The following DPP10 variants were observed in gnomAD, a reference collection of about 807,000 sequenced individuals.
DPP10 encodes the protein inactive dipeptidyl peptidase 10.
In DPP10, 33 loss-of-function variants were observed where a neutral mutation model predicts 120.9. The ratio of observed to expected loss-of-function variants is 0.27; its 90% CI spans 0.21 to 0.37. The LOEUF is 0.37. Ranked by LOEUF, DPP10 falls within the 10% of genes least tolerant of loss-of-function variation. The pLI is 1.00. For missense variants in DPP10, 816 were observed against 942.8 expected (o/e 0.87, Z 1.76); for synonymous variants, 337 against 326.1 (o/e 1.03, Z -0.36).
Position 115,782,416 on chromosome 2 carries a change from A to T in DPP10, c.1531+17A>T, listed in dbSNP as rs1481586318. 1 of 1,606,298 alleles carries T rather than the reference A, an allele frequency of 6.2e-7. No homozygotes were observed. The highest frequency in any genetic ancestry group is 2.2e-5 in the East Asian group (1 of 44,818). ...ACCCAGCAAGTGAGTACACAAGAAG[A>T]CAATTAAGAATAGTTATGGTTGGCA... On this transcript the variant is annotated intron_variant, in intron 17 of 25. Transcript: ENST00000410059.
At chr2:114,549,400 C>T (rs932710318) in intron 1 of DPP10, among the ~76,000 whole-genome samples, 1 of 152,028 alleles carries the variant, frequency 6.6e-6, no homozygotes, top group Non-Finnish European at 1.5e-5. Context: ...CGGCAGCTCA[C>T]GCCTATAGTC....
intron 3 of DPP10, among the ~76,000 whole-genome samples, chr2:115,495,851 G>A (rs2076369515): frequency 6.6e-6 from 1 of 152,086 alleles, no homozygotes; most frequent in Non-Finnish European, 1.5e-5. Flanking sequence ...CTGTCAAAGA[G>A]TTAAAAAGGA....
At chr2:114,464,339 T>C (rs1001855351) in intron 1 of DPP10, among the ~76,000 whole-genome samples, 1 of 152,236 alleles carries the variant, frequency 6.6e-6, no homozygotes, top group Non-Finnish European at 1.5e-5. Flanking sequence ...AGTTCTCTAA[T>C]GACAAATAAT....
chr2:114,480,616 CAAACACCA>C (rs1558797988), intron 1 of DPP10, among the ~76,000 whole-genome samples: 1 of 147,532 alleles, frequency 6.8e-6, no homozygotes, highest in African/African-American at 2.5e-5. Flanking sequence ...GACAAAAAAC[CAAACACCA>C]CATGTTCTCA....
At chr2:115,480,150 G>A (rs1462953136) in intron 3 of DPP10, among the ~76,000 whole-genome samples, 3 of 152,024 alleles carry the variant, frequency 2.0e-5, no homozygotes, top group African/African-American at 7.2e-5. Context: ...TTTAAAGTCT[G>A]TCTCCCATTG....
intron 5 of DPP10, among the ~76,000 whole-genome samples, chr2:115,685,891 T>C (rs549362464): frequency 1.4e-4 from 22 of 152,184 alleles, no homozygotes; most frequent in African/African-American, 5.3e-4. Context: ...GTTTATATAA[T>C]TAATACAGTA....
chr2:115,456,162 C>A (rs1264532172), intron 3 of DPP10, among the ~76,000 whole-genome samples: 1 of 152,124 alleles, frequency 6.6e-6, no homozygotes, highest in Non-Finnish European at 1.5e-5. Flanking sequence ...AATGAACAGA[C>A]TCTTCTCAAA....
chr2:115,336,268 T>G (rs192312365), intron 2 of DPP10, among the ~76,000 whole-genome samples: 1 of 152,122 alleles, frequency 6.6e-6, no homozygotes, highest in Admixed American at 6.6e-5. Flanking sequence ...AAGGACCAAA[T>G]AGAGCACAGA....
chr2:115,151,202 T>TA (rs1264415419), intron 1 of DPP10, among the ~76,000 whole-genome samples: 1 of 152,156 alleles, frequency 6.6e-6, no homozygotes, highest in East Asian at 1.9e-4. Context: ...CTCTCTAAGA[T>TA]AAAGTGTTAC....
chr2:115,763,870 A>C, intron 12 of DPP10, among the ~76,000 whole-genome samples: 1 of 152,350 alleles, frequency 6.6e-6, no homozygotes, highest in East Asian at 1.9e-4. Context: ...GCTCTGAGTC[A>C]TAGAATCATT....
chr2:114,839,819 A>G (rs1688015535), intron 1 of DPP10, among the ~76,000 whole-genome samples: 1 of 152,210 alleles, frequency 6.6e-6, no homozygotes, highest in Admixed American at 6.6e-5. Context: ...CAAAGAAAAA[A>G]TGTAAAATTC....
At chr2:114,687,971 A>T (rs2105750442) in intron 1 of DPP10, among the ~76,000 whole-genome samples, 1 of 152,094 alleles carries the variant, frequency 6.6e-6, no homozygotes, top group South Asian at 2.1e-4. Context: ...ATTTCTTCTA[A>T]TTCTATCTAA....
At chr2:114,963,447 C>T (rs373072537) in intron 1 of DPP10, among the ~76,000 whole-genome samples, 13 of 152,082 alleles carry the variant, frequency 8.5e-5, no homozygotes, top group South Asian at 8.3e-4. Context: ...AACATCGATT[C>T]GGTAGTTAGA....
At chr2:115,629,277 C>A (rs1475797522) in intron 5 of DPP10, among the ~76,000 whole-genome samples, 1 of 152,078 alleles carries the variant, frequency 6.6e-6, no homozygotes, top group South Asian at 2.1e-4. Context: ...AATAAACATA[C>A]GTGTGCATGT....
chr2:114,638,079 T>C (rs981968560), intron 1 of DPP10, among the ~76,000 whole-genome samples: 7 of 151,930 alleles, frequency 4.6e-5, no homozygotes, highest in African/African-American at 1.5e-4. Context: ...TTGGGCAGTA[T>C]GGCCATTTTA....
At chr2:115,328,624 G>A (rs1303513424) in intron 2 of DPP10, among the ~76,000 whole-genome samples, 4 of 152,036 alleles carry the variant, frequency 2.6e-5, no homozygotes, top group Non-Finnish European at 4.4e-5. Context: ...TGGGTTTTGT[G>A]TGTGTGCAAG....
chr2:114,610,838 A>G (rs1297116337), intron 1 of DPP10, among the ~76,000 whole-genome samples: 1 of 152,056 alleles, frequency 6.6e-6, no homozygotes. Context: ...CTCAGTCTGC[A>G]TCTGGGCTTT....
intron 3 of DPP10, among the ~76,000 whole-genome samples, chr2:115,452,573 G>C (rs1359552016): frequency 1.3e-5 from 2 of 152,000 alleles, no homozygotes; most frequent in African/African-American, 4.8e-5. Context: ...CTGCTTGCAA[G>C]GTATCTGTGC....
At chr2:114,947,192 G>A (rs1697428083) in intron 1 of DPP10, among the ~76,000 whole-genome samples, 1 of 151,896 alleles carries the variant, frequency 6.6e-6, no homozygotes, top group African/African-American at 2.4e-5. Context: ...ATATTTTGAG[G>A]CTAATCAGCA....
Sources: gnomAD v4.1 joint callset for allele counts (sites outside exome capture counted in the v4.1 genomes callset) on GRCh38, gnomAD v4.1.1 for gene constraint, MANE v1.5 for transcripts, NCBI Gene and HGNC (gene_info 2026-07-23, HGNC 2026-07-21) for gene names.